DOCK2: variants seen among roughly 807,000 people sequenced by gnomAD.
DOCK2 encodes dedicator of cytokinesis 2.
A neutral mutation model predicts 248.9 loss-of-function variants in DOCK2; 87 were observed. That is an observed-to-expected ratio of 0.35 (90% CI 0.29 to 0.42). The LOEUF is 0.42. DOCK2 is among the 10% of genes least tolerant of loss of function. The pLI is 1.00. For missense variants in DOCK2, 1,747 were observed against 2,300.2 expected (o/e 0.76, Z 4.92); for synonymous variants, 805 against 821.6 (o/e 0.98, Z 0.35).
intron 34 of DOCK2, among the ~76,000 whole-genome samples, chr5:170,034,105 T>C (rs1256844189): frequency 6.6e-6 from 1 of 152,180 alleles, no homozygotes; most frequent in Non-Finnish European, 1.5e-5. Flanking sequence ...GAAAATTGCT[T>C]CCCCAAAAAA....
chr5:169,946,749 A>C lies in DOCK2; in HGVS notation c.2800-36319A>C, dbSNP rs892853093. ...AAATAATTTCACACAGCGATAGGCAATCTGAAAGTCACACAGTAGGATCCT... is the reference window on the plus strand; with the variant it reads ...AAATAATTTCACACAGCGATAGGCACTCTGAAAGTCACACAGTAGGATCCT... On this transcript the variant is annotated intron_variant, in intron 27 of 51. Coordinates refer to ENST00000520908, the MANE Select transcript of DOCK2 (RefSeq NM_004946.3). Among the ~76,000 whole-genome samples the C allele has an allele frequency of 2.6e-5, 4 of 152,364 alleles. No homozygotes were observed. In the South Asian group the frequency reaches 8.3e-4, roughly 32 times the overall value.
At chr5:169,687,258 G>C (rs1485335910) in intron 8 of DOCK2, among the ~76,000 whole-genome samples, 1 of 152,126 alleles carries the variant, frequency 6.6e-6, no homozygotes, top group South Asian at 2.1e-4. Flanking sequence ...TTCCTAGTTA[G>C]TTTACTGCAA....
chr5:169,965,353 C>T (rs1777258833), intron 27 of DOCK2, among the ~76,000 whole-genome samples: 1 of 152,224 alleles, frequency 6.6e-6, no homozygotes, highest in African/African-American at 2.4e-5. Flanking sequence ...ACAGGCCACA[C>T]TCTGAGTAGC....
intron 44 of DOCK2, among the ~76,000 whole-genome samples, chr5:170,067,265 T>A (rs1353855937): frequency 1.3e-5 from 2 of 151,402 alleles, no homozygotes; most frequent in Non-Finnish European, 2.9e-5. Flanking sequence ...ACTCAGCAGG[T>A]ACCTGACACT....
At chr5:169,965,569 AG>A (rs1385336583) in intron 27 of DOCK2, among the ~76,000 whole-genome samples, 2 of 152,200 alleles carry the variant, frequency 1.3e-5, no homozygotes, top group Non-Finnish European at 1.5e-5. Flanking sequence ...CCACATATTA[AG>A]ATCACCCAGG....
chr5:169,984,661 GCA>G (rs993079756), intron 28 of DOCK2, among the ~76,000 whole-genome samples: 1 of 151,722 alleles, frequency 6.6e-6, no homozygotes, highest in Non-Finnish European at 1.5e-5. Context: ...ACACACGTGC[GCA>G]CACACACACA....
intron 27 of DOCK2, among the ~76,000 whole-genome samples, chr5:169,877,883 G>A (rs554101274): frequency 7.2e-4 from 109 of 152,144 alleles, no homozygotes; most frequent in African/African-American, 2.5e-3. Flanking sequence ...TTCACCCACC[G>A]AAAACCGTAA....
intron 15 of DOCK2, among the ~76,000 whole-genome samples, chr5:169,710,273 T>G (rs1244598080): frequency 1.3e-5 from 2 of 152,144 alleles, no homozygotes; most frequent in Admixed American, 6.5e-5. Context: ...GCCAGGTGGG[T>G]GAGCACCCTG....
At chr5:170,061,353 C>T (rs1285897025) in intron 44 of DOCK2, among the ~76,000 whole-genome samples, 2 of 152,186 alleles carry the variant, frequency 1.3e-5, no homozygotes, top group South Asian at 2.1e-4. Context: ...ATCACAAATA[C>T]CCGAGTTGTC....
chr5:170,034,568 G>C lies in DOCK2; in HGVS notation c.3624+13G>C. The C allele has an allele frequency of 1.2e-6, 2 of 1,613,790 alleles. No individual in the cohort carries two copies. The highest frequency in any genetic ancestry group is 1.7e-6 in the Non-Finnish European group (2 of 1,179,834). On this transcript the variant is annotated intron_variant, in intron 35 of 51. Coordinates refer to ENST00000520908, the MANE Select transcript of DOCK2 (RefSeq NM_004946.3). ...CGTGAACCTGCTGGTGCGTGGGGCTGGCGGGTCCAAGTCAGACCAGAACCC... is the reference window on the plus strand; with the variant it reads ...CGTGAACCTGCTGGTGCGTGGGGCTCGCGGGTCCAAGTCAGACCAGAACCC...
chr5:169,964,030 G>C (rs546005605), intron 27 of DOCK2, among the ~76,000 whole-genome samples: 1 of 152,140 alleles, frequency 6.6e-6, no homozygotes, highest in Admixed American at 6.5e-5. Flanking sequence ...GATTGGGGGA[G>C]GGAGAAGGGG....
chr5:169,829,576 G>A (rs1326724750), intron 26 of DOCK2, among the ~76,000 whole-genome samples: 3 of 152,176 alleles, frequency 2.0e-5, no homozygotes, highest in African/African-American at 4.8e-5. Flanking sequence ...AAGTTTACAC[G>A]TTAGGACCGT....
chr5:169,710,715 C>T (rs11134587), intron 15 of DOCK2, among the ~76,000 whole-genome samples: 56,111 of 152,082 alleles, frequency 0.37, 11,266 homozygotes, highest in East Asian at 0.58. Context: ...CAAACCCCAG[C>T]GGTTCTCCAC....
chr5:169,640,416 C>G (rs1353418513), intron 1 of DOCK2, among the ~76,000 whole-genome samples: 1 of 152,194 alleles, frequency 6.6e-6, no homozygotes, highest in Non-Finnish European at 1.5e-5. Flanking sequence ...CTTCTTTCTG[C>G]TACTGCATCT....
intron 2 of DOCK2, among the ~76,000 whole-genome samples, chr5:169,664,332 C>T (rs1314940996): frequency 6.6e-6 from 1 of 152,220 alleles, no homozygotes; most frequent in Non-Finnish European, 1.5e-5. Flanking sequence ...TTCAACAAGT[C>T]TCTAGCAAGT....
intron 2 of DOCK2, among the ~76,000 whole-genome samples, chr5:169,660,066 C>T (rs750611662): frequency 6.6e-6 from 1 of 152,134 alleles, no homozygotes; most frequent in African/African-American, 2.4e-5. Context: ...CTATGATCAG[C>T]TTGTCCATTG....
intron 27 of DOCK2, among the ~76,000 whole-genome samples, chr5:169,849,723 G>A (rs1381451554): frequency 2.0e-5 from 3 of 152,214 alleles, no homozygotes; most frequent in Non-Finnish European, 4.4e-5. Flanking sequence ...GACAAGGCTG[G>A]CATGGAGTTT....
intron 30 of DOCK2, among the ~76,000 whole-genome samples, chr5:170,005,749 T>A (rs79811533): frequency 0.023 from 3,407 of 150,668 alleles, 87 homozygotes; most frequent in African/African-American, 0.061. Context: ...GATTTTTTTT[T>A]AAAAAAAAGA....
At chr5:170,046,769 T>TACACACAC (rs58071736) in intron 39 of DOCK2, among the ~76,000 whole-genome samples, 1,761 of 148,814 alleles carry the variant, frequency 0.012, 36 homozygotes, top group African/African-American at 0.041. Context: ...CACACACACA[T>TACACACAC]ACACACACAC....
Sources: gnomAD v4.1 joint callset for allele counts (sites outside exome capture counted in the v4.1 genomes callset) on GRCh38, gnomAD v4.1.1 for gene constraint, MANE v1.5 for transcripts, NCBI Gene and HGNC (gene_info 2026-07-23, HGNC 2026-07-21) for gene names.